SAMD4A: variants seen among roughly 807,000 people sequenced by gnomAD.
SAMD4A encodes sterile alpha motif domain containing 4A, also known as protein Smaug homolog 1.
Under a neutral mutation model 81.3 loss-of-function variants are expected in SAMD4A, and 33 were observed. The observed-to-expected ratio is 0.41, with a 90% CI of 0.31 to 0.54. The LOEUF is 0.54. SAMD4A is among the 20% of genes least tolerant of loss of function. The pLI is 0.37. For missense variants in SAMD4A, 854 were observed against 951.1 expected (o/e 0.90, Z 1.34); for synonymous variants, 389 against 382.1 (o/e 1.02, Z -0.21).
intron 2 of SAMD4A, among the ~76,000 whole-genome samples, chr14:54,596,263 A>G (rs1430089054): frequency 1.3e-5 from 2 of 152,050 alleles, no homozygotes; most frequent in African/African-American, 4.8e-5. Flanking sequence ...CAACAGAAGA[A>G]CGCCATCACC....
chr14:54,786,478 A>G (rs1473750189), intron 12 of SAMD4A, among the ~76,000 whole-genome samples: 1 of 152,270 alleles, frequency 6.6e-6, no homozygotes, highest in Non-Finnish European at 1.5e-5. Context: ...TAGTAATGAC[A>G]GTCTCCCTGG....
intron 9 of SAMD4A, 97 bp from the exon 10 acceptor site, chr14:54,774,832 AAAATG>A (rs1380223687): frequency 3.8e-6 from 4 of 1,047,490 alleles, no homozygotes; most frequent in South Asian, 1.7e-5. Context: ...AAAAAAAAAA[AAAATG>A]AGGAGACCTC....
intron 2 of SAMD4A, among the ~76,000 whole-genome samples, chr14:54,676,514 C>A (rs2035997735): frequency 6.6e-6 from 1 of 151,884 alleles, no homozygotes; most frequent in Non-Finnish European, 1.5e-5. Flanking sequence ...GTAGCTGGGG[C>A]TACAGGCACG....
chr14:54,764,855 C>T (rs530436093), intron 8 of SAMD4A, among the ~76,000 whole-genome samples: 2 of 152,316 alleles, frequency 1.3e-5, no homozygotes, highest in African/African-American at 4.8e-5. Context: ...TGCTGCTTAG[C>T]CCTGGGCATT....
At chr14:54,767,767 A>G (rs994487565) in intron 8 of SAMD4A, among the ~76,000 whole-genome samples, 4 of 152,216 alleles carry the variant, frequency 2.6e-5, no homozygotes, top group Non-Finnish European at 4.4e-5. Context: ...ATCATAGCCA[A>G]TGCAGATCCC....
At position 54,688,940 on chromosome 14, in the gene SAMD4A, T is replaced by TTTTTTTTTG. The variant is rs1271184808; in HGVS notation, c.197-13121_197-13113dup. ...CCCAGAAGTCGTAATTCTTTTTTTT[T>TTTTTTTTTG]TTTTTTTTGAGGCGGAGTTTTGCTC... On this transcript the variant is annotated intron_variant, in intron 2 of 12. Transcript: ENST00000554335. Among the ~76,000 whole-genome samples, 5 of 149,584 alleles carry TTTTTTTTTG rather than the reference T, an allele frequency of 3.3e-5. 1 individual carries two copies. The highest frequency in any genetic ancestry group is 7.4e-5 in the Non-Finnish European group (5 of 67,266).
In SAMD4A at chr14:54,626,057, TGTGCGCGC is replaced by T. The variant is rs1308073651; in HGVS notation, c.196+57947_196+57954del. Among the ~76,000 whole-genome samples the T allele has an allele frequency of 3.1e-3, 330 of 105,790 alleles. 2 individuals are homozygous for T. Among genetic ancestry groups the T allele is most frequent in the African/African-American group, 8.0e-3 (193 of 24,274 alleles). 69.4% of individuals were successfully genotyped at this position (105,790 alleles called of 152,430 possible). A position where few individuals can be genotyped will look rare whatever the true frequency, so the allele number is the denominator to read the frequency against. The stretch of plus-strand genomic sequence containing the variant: ...GTGTGTGTGTGTGTGTGTGTGTGTG[TGTGCGCGC>T]GCGCGCGCGCGAGTGCGCACATGTG... On this transcript the variant is annotated intron_variant, in intron 2 of 12. Transcript: ENST00000554335.
At chr14:54,639,567 G>A (rs1319667973) in intron 2 of SAMD4A, among the ~76,000 whole-genome samples, 2 of 152,234 alleles carry the variant, frequency 1.3e-5, no homozygotes, top group Non-Finnish European at 2.9e-5. Context: ...AGCCCAGGTG[G>A]CCTGTTACGG....
chr14:54,576,677 TG>T, intron 2 of SAMD4A, among the ~76,000 whole-genome samples: 1 of 152,210 alleles, frequency 6.6e-6, no homozygotes, highest in East Asian at 1.9e-4. Context: ...GAGACTTCTG[TG>T]TTCCAGGCAG....
intron 2 of SAMD4A, among the ~76,000 whole-genome samples, chr14:54,632,264 C>A (rs980517275): frequency 3.9e-5 from 6 of 152,156 alleles, no homozygotes; most frequent in African/African-American, 1.4e-4. Context: ...TGGCTGTACC[C>A]TTTTTCCTTT....
intron 2 of SAMD4A, among the ~76,000 whole-genome samples, chr14:54,614,084 T>C (rs1179913101): frequency 6.6e-6 from 1 of 152,216 alleles, no homozygotes; most frequent in East Asian, 1.9e-4. Flanking sequence ...TTATATACTT[T>C]AAAGAGCATA....
At chr14:54,690,271 C>T (rs954251687) in intron 2 of SAMD4A, among the ~76,000 whole-genome samples, 3 of 152,034 alleles carry the variant, frequency 2.0e-5, no homozygotes, top group Non-Finnish European at 4.4e-5. Context: ...TCTTAAACTA[C>T]ATCACAGATG....
Position 54,757,124 on chromosome 14 carries a change from T to G in SAMD4A, c.1177-3037T>G, listed in dbSNP as rs74434848. ...GATTTCCATTCTGGCCATTTCTCCC[T>G]GTTTCCTTCTCAATTTGGGCACTCT... On this transcript the variant is annotated intron_variant, in intron 6 of 12. Transcript: ENST00000554335. Among the ~76,000 whole-genome samples the G allele has an allele frequency of 6.0e-3, 919 of 152,360 alleles. 15 individuals are homozygous for G. Among genetic ancestry groups the G allele is most frequent in the African/African-American group, 0.021 (878 of 41,584 alleles).
rs1321985252 is a variant in SAMD4A at position 54,718,968 on chromosome 14, A to G, written c.715+16388A>G. ...CAGTAAGCTGAGATCATACCATTGC[A>G]CTCTAGCCTGGGTGACAGAGCGAAA... On this transcript the variant is annotated intron_variant, in intron 3 of 12. Coordinates refer to ENST00000554335, the MANE Select transcript of SAMD4A (RefSeq NM_015589.6). Among the ~76,000 whole-genome samples, 5 of 149,378 alleles carry G rather than the reference A, an allele frequency of 3.3e-5. No homozygotes were observed. The Admixed American group carries it at 3.4e-4, about 10-fold the overall frequency.
At chr14:54,736,734 G>C (rs2037704440) in intron 3 of SAMD4A, among the ~76,000 whole-genome samples, 1 of 152,160 alleles carries the variant, frequency 6.6e-6, no homozygotes, top group Non-Finnish European at 1.5e-5. Context: ...CTGATTTCTA[G>C]AGTTAGAACC....
chr14:54,636,834 TG>T (rs1330943653), intron 2 of SAMD4A, among the ~76,000 whole-genome samples: 1 of 152,154 alleles, frequency 6.6e-6, no homozygotes, highest in Non-Finnish European at 1.5e-5. Flanking sequence ...CTCAGGAATT[TG>T]GTTAAGAACA....
chr14:54,682,012 G>A, intron 2 of SAMD4A: 2 of 985,296 alleles, frequency 2.0e-6, no homozygotes, highest in Non-Finnish European at 2.4e-6. Context: ...GTCTAGGACT[G>A]GCCTTACAGA....
At chr14:54,654,326 A>T (rs905959160) in intron 2 of SAMD4A, among the ~76,000 whole-genome samples, 9 of 152,096 alleles carry the variant, frequency 5.9e-5, no homozygotes, top group African/African-American at 1.9e-4. Flanking sequence ...GAGTCACGGG[A>T]GGTCAGATGG....
intron 11 of SAMD4A, among the ~76,000 whole-genome samples, chr14:54,780,443 TAGAG>T (rs1436469373): frequency 6.6e-6 from 1 of 152,064 alleles, no homozygotes; most frequent in Admixed American, 6.5e-5. Context: ...TTAGAAAGAA[TAGAG>T]AGTTATTGGT....
Sources: gnomAD v4.1 joint callset for allele counts (sites outside exome capture counted in the v4.1 genomes callset) on GRCh38, gnomAD v4.1.1 for gene constraint, MANE v1.5 for transcripts, NCBI Gene and HGNC (gene_info 2026-07-23, HGNC 2026-07-21) for gene names.